The following SPDYA variants were observed in gnomAD, a reference collection of about 807,000 sequenced individuals.
The protein encoded by SPDYA is speedy protein A.
A neutral mutation model predicts 36.7 loss-of-function variants in SPDYA; 11 were observed. The ratio of observed to expected loss-of-function variants is 0.30; its 90% CI spans 0.19 to 0.50. SPDYA has a LOEUF of 0.50. Among genes scored for constraint, SPDYA ranks in the 20% least tolerant of loss-of-function variants. SPDYA has a pLI of 0.98. For missense variants in SPDYA, 287 were observed against 370.9 expected (o/e 0.77, Z 1.86); for synonymous variants, 115 against 118.7 (o/e 0.97, Z 0.20).
At position 28,840,266 on chromosome 2, in the gene SPDYA, A is replaced by C. The variant is rs758354488; in HGVS notation, c.647A>C (p.Gln216Pro). The C allele has an allele frequency of 5.0e-6, 8 of 1,613,794 alleles. No individual in the cohort carries two copies. In the South Asian group the frequency reaches 8.8e-5, roughly 18 times the overall value. ...AVRNYNRDEV[Q>P]LPRGPSATPV... ...AGAAACTACAACAGAGATGAAGTTC[A>C]GCTGCCCCGGGGACCTAGTGCCACA... Residue 216 changes from glutamine (Q) to proline (P), a missense_variant, in exon 7 of 8, where the codon CAG (glutamine) becomes CCG (proline). Physicochemically the swap from Gln to Pro is moderately conservative, Grantham distance 76. Transcript: ENST00000334056.
At chr2:28,848,328 C>T (rs182154771) in intron 7 of SPDYA, among the ~76,000 whole-genome samples, 21 of 152,294 alleles carry the variant, frequency 1.4e-4, no homozygotes, top group East Asian at 1.9e-4. Flanking sequence ...AATTCCTTCA[C>T]GGGCATATGA....
At chr2:28,828,908 C>T (rs1668404626) in intron 5 of SPDYA, among the ~76,000 whole-genome samples, 1 of 152,176 alleles carries the variant, frequency 6.6e-6, no homozygotes, top group African/African-American at 2.4e-5. Flanking sequence ...AAGAATCAGA[C>T]TATTTCAAAG....
intron 5 of SPDYA, among the ~76,000 whole-genome samples, chr2:28,824,563 T>G (rs1286002924): frequency 1.3e-5 from 2 of 150,646 alleles, no homozygotes; most frequent in East Asian, 1.9e-4. Flanking sequence ...CTTTTTTTTT[T>G]TGTGACAGAG....
intron 7 of SPDYA, chr2:28,841,979 T>A (rs1326699311): frequency 6.6e-6 from 1 of 152,218 alleles, no homozygotes; most frequent in Admixed American, 6.5e-5. Context: ...ATATAATGCA[T>A]TTTATATTCA....
intron 6 of SPDYA, among the ~76,000 whole-genome samples, chr2:28,838,344 A>C: frequency 6.6e-6 from 1 of 151,768 alleles, no homozygotes; most frequent in African/African-American, 2.4e-5. Context: ...ACCATGCCCA[A>C]CTAATTTTGT....
At chr2:28,839,532 C>G (rs1478647240) in intron 6 of SPDYA, among the ~76,000 whole-genome samples, 1 of 152,184 alleles carries the variant, frequency 6.6e-6, no homozygotes, top group Non-Finnish European at 1.5e-5. Context: ...GACGGAGTCT[C>G]TCTCTGTGGC....
chr2:28,824,133 G>A lies in SPDYA; in HGVS notation c.380+1723G>A, dbSNP rs147528996. ...ACCACAATAGCTGTCAGCACTGAAGGTAAAGTTTTTACTCAAAGTGTATTT... is the reference window on the plus strand; with the variant it reads ...ACCACAATAGCTGTCAGCACTGAAGATAAAGTTTTTACTCAAAGTGTATTT... On this transcript the variant is annotated intron_variant, in intron 5 of 7. Transcript: ENST00000334056. 4.3e-3 allele frequency among the ~76,000 whole-genome samples: 651 copies of A among 152,052 alleles called. 2 individuals carry two copies. Among genetic ancestry groups the A allele is most frequent in the African/African-American group, 0.015 (633 of 41,490 alleles).
At chr2:28,826,377 T>C (rs1307904223) in intron 5 of SPDYA, among the ~76,000 whole-genome samples, 1 of 152,062 alleles carries the variant, frequency 6.6e-6, no homozygotes, top group East Asian at 1.9e-4. Context: ...CCTCAGGTAA[T>C]CCACCCGCCT....
rs1246536825 is a variant in SPDYA at position 28,836,844 on chromosome 2, G to A, written c.553-3328G>A. On this transcript the variant is annotated intron_variant, in intron 6 of 7. Coordinates refer to ENST00000334056, the MANE Select transcript of SPDYA (RefSeq NM_182756.4). ...ATCTTATCAACAACTCCTTTAAGGT[G>A]GGATTTATTTACATTGGTGATGGCT... Among the ~76,000 whole-genome samples the A allele has an allele frequency of 2.6e-5, 4 of 152,138 alleles. No individual in the cohort carries two copies. In the East Asian group the frequency reaches 7.7e-4, roughly 29 times the overall value.
chr2:28,849,809 A>G, intron 7 of SPDYA, 41 bp from the exon 8 acceptor site: 1 of 1,171,836 alleles, frequency 8.5e-7, no homozygotes, highest in Non-Finnish European at 1.2e-6. Flanking sequence ...TAAAATGGAC[A>G]GATACATAAA....
chr2:28,830,583 C>A (rs1210220072), intron 6 of SPDYA, among the ~76,000 whole-genome samples: 1 of 151,976 alleles, frequency 6.6e-6, no homozygotes, highest in Non-Finnish European at 1.5e-5. Context: ...TATGAACAAA[C>A]CAAAATATCT....
intron 6 of SPDYA, among the ~76,000 whole-genome samples, chr2:28,837,995 AAAG>A (rs1177683401): frequency 6.6e-6 from 1 of 151,982 alleles, no homozygotes; most frequent in Non-Finnish European, 1.5e-5. Context: ...AAAAATGACA[AAAG>A]AATAAGATAA....
intron 5 of SPDYA, among the ~76,000 whole-genome samples, chr2:28,828,876 A>T (rs1315759837): frequency 6.6e-6 from 1 of 152,230 alleles, no homozygotes; most frequent in East Asian, 1.9e-4. Context: ...CCACCTAAAA[A>T]AATCATAAAA....
intron 6 of SPDYA, among the ~76,000 whole-genome samples, chr2:28,835,495 C>G (rs752219711): frequency 2.0e-5 from 3 of 152,120 alleles, no homozygotes; most frequent in Non-Finnish European, 2.9e-5. Context: ...CCTCAGCCTC[C>G]CAGAGTGCTG....
At chr2:28,838,498 T>A (rs1025811832) in intron 6 of SPDYA, among the ~76,000 whole-genome samples, 4 of 152,110 alleles carry the variant, frequency 2.6e-5, no homozygotes, top group African/African-American at 7.2e-5. Flanking sequence ...AGAATTAAGA[T>A]GAAAATCTAG....
chr2:28,850,602 A>C lies in SPDYA; in HGVS notation c.*661A>C. The C allele has an allele frequency of 5.8e-6, 3 of 516,072 alleles. No homozygotes were observed. 32.0% of individuals were successfully genotyped at this position (516,072 alleles called of 1,614,324 possible). A position where few individuals can be genotyped will look rare whatever the true frequency, so the allele number is the denominator to read the frequency against. Reference sequence around the variant, plus strand: ...GATTATGTAATAAACATATGATTTTATAACCAAATGGATAAGCCTATATCA... The same window carrying C: ...GATTATGTAATAAACATATGATTTTCTAACCAAATGGATAAGCCTATATCA... On this transcript the variant is annotated 3_prime_UTR_variant, in exon 8 of 8. Coordinates refer to ENST00000334056, the MANE Select transcript of SPDYA (RefSeq NM_182756.4).
intron 6 of SPDYA, among the ~76,000 whole-genome samples, chr2:28,837,708 T>C (rs1274214044): frequency 6.6e-6 from 1 of 151,218 alleles, no homozygotes; most frequent in Admixed American, 6.6e-5. Flanking sequence ...CACTCCAGTA[T>C]TCAGGCCTAG....
intron 1 of SPDYA, among the ~76,000 whole-genome samples, chr2:28,814,128 A>C (rs1460554020): frequency 1.3e-5 from 2 of 152,202 alleles, no homozygotes; most frequent in East Asian, 3.8e-4. Flanking sequence ...TTCAAAATGT[A>C]GCCCTGTGCT....
chr2:28,833,852 TATAAA>T (rs1463336963), intron 6 of SPDYA, among the ~76,000 whole-genome samples: 4 of 152,048 alleles, frequency 2.6e-5, no homozygotes, highest in Non-Finnish European at 5.9e-5. Flanking sequence ...CAAAAGAAAA[TATAAA>T]ATAGACATCA....
Sources: gnomAD v4.1 joint callset for allele counts (sites outside exome capture counted in the v4.1 genomes callset) on GRCh38, gnomAD v4.1.1 for gene constraint, MANE v1.5 for transcripts, NCBI Gene and HGNC (gene_info 2026-07-23, HGNC 2026-07-21) for gene names.